Variants in GPR158 observed in about 807,000 individuals in gnomAD.
The protein encoded by GPR158 is G protein-coupled receptor 158.
A neutral mutation model predicts 78.2 loss-of-function variants in GPR158; 30 were observed. The ratio of observed to expected loss-of-function variants is 0.38; its 90% CI spans 0.29 to 0.52. The LOEUF (loss-of-function observed/expected upper bound fraction) is 0.52, where lower values mean the gene tolerates loss of function less well. Ranked by LOEUF, GPR158 falls within the 20% of genes least tolerant of loss-of-function variation. The pLI is 0.83. For missense variants in GPR158, 1,463 were observed against 1,523.5 expected (o/e 0.96, Z 0.66); for synonymous variants, 581 against 591.1 (o/e 0.98, Z 0.25).
intron 5 of GPR158, among the ~76,000 whole-genome samples, chr10:25,472,515 T>A (rs1835521582): frequency 6.6e-6 from 1 of 152,226 alleles, no homozygotes; most frequent in Non-Finnish European, 1.5e-5. Flanking sequence ...CATTGGTAGC[T>A]GGATGGGGAT....
intron 2 of GPR158, among the ~76,000 whole-genome samples, chr10:25,361,055 A>G (rs1855631889): frequency 6.6e-6 from 1 of 151,788 alleles, no homozygotes; most frequent in South Asian, 2.1e-4. Context: ...GCAGATTTGA[A>G]ACTCTATACC....
chr10:25,479,429 C>G (rs546124312), intron 5 of GPR158, among the ~76,000 whole-genome samples: 3 of 152,062 alleles, frequency 2.0e-5, no homozygotes, highest in African/African-American at 7.2e-5. Flanking sequence ...ATACTTCTTT[C>G]CAGATGCCAG....
At chr10:25,225,031 G>A (rs1853355106) in intron 2 of GPR158, among the ~76,000 whole-genome samples, 1 of 152,068 alleles carries the variant, frequency 6.6e-6, no homozygotes, top group Non-Finnish European at 1.5e-5. Flanking sequence ...TTTTCAAAAT[G>A]CTCACTTGAA....
chr10:25,373,760 T>G (rs979562364), intron 2 of GPR158, among the ~76,000 whole-genome samples: 9 of 151,876 alleles, frequency 5.9e-5, no homozygotes, highest in African/African-American at 2.2e-4. Flanking sequence ...TGTGACTTAT[T>G]TCTGTATGAC....
intron 8 of GPR158, among the ~76,000 whole-genome samples, chr10:25,592,190 T>C (rs1477456803): frequency 2.0e-5 from 3 of 151,990 alleles, no homozygotes; most frequent in Non-Finnish European, 2.9e-5. Flanking sequence ...TATGTATGTA[T>C]ATATACATAT....
chr10:25,287,361 T>C (rs1854366603), intron 2 of GPR158, among the ~76,000 whole-genome samples: 1 of 152,066 alleles, frequency 6.6e-6, no homozygotes, highest in African/African-American at 2.4e-5. Flanking sequence ...AAAGGTGGGT[T>C]TAGGTGGGTT....
intron 4 of GPR158, among the ~76,000 whole-genome samples, chr10:25,422,441 T>G (rs1359373639): frequency 6.6e-6 from 1 of 152,044 alleles, no homozygotes; most frequent in East Asian, 1.9e-4. Flanking sequence ...TGGAAAAGTT[T>G]CCTCCTGAAA....
intron 5 of GPR158, among the ~76,000 whole-genome samples, chr10:25,533,481 G>A (rs546817105): frequency 1.3e-5 from 2 of 152,252 alleles, no homozygotes; most frequent in African/African-American, 2.4e-5. Context: ...TCTTTCTCAT[G>A]ACTATGGCTG....
At chr10:25,423,240 C>T (rs1834778459) in intron 4 of GPR158, among the ~76,000 whole-genome samples, 1 of 151,672 alleles carries the variant, frequency 6.6e-6, no homozygotes, top group African/African-American at 2.4e-5. Flanking sequence ...GATTGATGGA[C>T]ATTTGGGCTG....
At chr10:25,445,610 A>G (rs571443079) in intron 4 of GPR158, among the ~76,000 whole-genome samples, 5 of 152,334 alleles carry the variant, frequency 3.3e-5, no homozygotes, top group African/African-American at 1.2e-4. Flanking sequence ...GATCTGTTAT[A>G]ATAGTTTCCA....
chr10:25,555,198 G>A (rs983418972), intron 6 of GPR158, among the ~76,000 whole-genome samples: 1 of 152,020 alleles, frequency 6.6e-6, no homozygotes. Context: ...TTGACTTGGC[G>A]ATGTGGGCTC....
chr10:25,490,644 A>G (rs1002006779), intron 5 of GPR158, among the ~76,000 whole-genome samples: 16 of 150,304 alleles, frequency 1.1e-4, no homozygotes, highest in Non-Finnish European at 2.2e-4. Flanking sequence ...ATGGCTGCAT[A>G]GTATTCCGTG....
At chr10:25,437,091 C>G (rs1203978092) in intron 4 of GPR158, among the ~76,000 whole-genome samples, 1 of 152,132 alleles carries the variant, frequency 6.6e-6, no homozygotes, top group African/African-American at 2.4e-5. Context: ...AACTTTGCCA[C>G]TGTTTTAATT....
At chr10:25,274,272 A>G (rs1320992438) in intron 2 of GPR158, among the ~76,000 whole-genome samples, 3 of 152,202 alleles carry the variant, frequency 2.0e-5, no homozygotes, top group Middle Eastern at 3.2e-3. Context: ...CAATTTATTA[A>G]AATAGTCTAT....
chr10:25,512,182 A>G (rs1489154496), intron 5 of GPR158, among the ~76,000 whole-genome samples: 2 of 152,020 alleles, frequency 1.3e-5, no homozygotes, highest in South Asian at 2.1e-4. Context: ...ATGTGTTTCC[A>G]TTTGTTTGTG....
In GPR158 at chr10:25,586,390, A is replaced by ATTTTTTTTTTTT. The variant is rs1564498202; in HGVS notation, c.1754-2617_1754-2616insTTTTTTTTTTTT. On this transcript the variant is annotated intron_variant, in intron 7 of 10. Coordinates refer to ENST00000376351, the MANE Select transcript of GPR158 (RefSeq NM_020752.3). ...CCAGGGTTGTAAGTAGGTATGTGTG[A>ATTTTTTTTTTTT]ATTTTTTTTTTTTTTTTTTTTTTTT... Among the ~76,000 whole-genome samples, 12 of 130,942 alleles carry ATTTTTTTTTTTT rather than the reference A, an allele frequency of 9.2e-5. 3 individuals are homozygous for ATTTTTTTTTTTT. The highest frequency in any genetic ancestry group is 6.5e-5 in the Non-Finnish European group (4 of 61,846). The allele number at this position is 130,942 out of a possible 152,430, so 85.9% of individuals were successfully genotyped here.
chr10:25,428,216 T>C (rs1020266461), intron 4 of GPR158, among the ~76,000 whole-genome samples: 16 of 152,124 alleles, frequency 1.1e-4, no homozygotes, highest in Non-Finnish European at 2.4e-4. Context: ...TACTATTGCT[T>C]ATATTAAAAA....
intron 2 of GPR158, among the ~76,000 whole-genome samples, chr10:25,360,752 T>C (rs961960594): frequency 2.6e-5 from 4 of 152,284 alleles, no homozygotes; most frequent in South Asian, 4.1e-4. Flanking sequence ...GGCTCTTTTT[T>C]TGTTGCCATA....
chr10:25,182,011 C>T (rs1852617106), intron 1 of GPR158, among the ~76,000 whole-genome samples: 1 of 152,006 alleles, frequency 6.6e-6, no homozygotes, highest in Admixed American at 6.5e-5. Flanking sequence ...AGCCATCACA[C>T]CTAGCCCAAT....
Sources: allele counts gnomAD v4.1 joint callset (sites outside exome capture counted in the v4.1 genomes callset), GRCh38; gene constraint gnomAD v4.1.1; transcripts MANE v1.5; gene names NCBI Gene and HGNC (gene_info 2026-07-23, HGNC 2026-07-21).